Variants in BABAM2 observed in about 807,000 individuals in gnomAD.
BABAM2 encodes the protein BRISC and BRCA1-A complex member 2.
BABAM2 carries 31 observed loss-of-function variants against 54.7 expected under a neutral mutation model. The ratio of observed to expected loss-of-function variants is 0.57; its 90% CI spans 0.43 to 0.77. The LOEUF is 0.77. Ranked by LOEUF, BABAM2 falls within the 30% of genes least tolerant of loss-of-function variation. BABAM2 has a pLI of 0.00. For missense variants in BABAM2, 364 were observed against 455.8 expected, an observed-to-expected ratio of 0.80 and a Z score of 1.83; for synonymous variants, 167 against 162.9, an observed-to-expected ratio of 1.03 and a Z score of -0.19.
chr2:28,273,969 G>C (rs1240933275), intron 10 of BABAM2, among the ~76,000 whole-genome samples: 1 of 152,222 alleles, frequency 6.6e-6, no homozygotes, highest in African/African-American at 2.4e-5. Flanking sequence ...ATGTGCTATA[G>C]AAATGCAAGG....
At chr2:27,938,700 C>T (rs948575505) in intron 3 of BABAM2, among the ~76,000 whole-genome samples, 5 of 151,824 alleles carry the variant, frequency 3.3e-5, no homozygotes, top group African/African-American at 1.2e-4. Flanking sequence ...AGCTCTTTGC[C>T]TTTTTAAAGA....
chr2:28,273,352 T>A (rs1685593991), intron 10 of BABAM2, among the ~76,000 whole-genome samples: 1 of 152,200 alleles, frequency 6.6e-6, no homozygotes, highest in Non-Finnish European at 1.5e-5. Flanking sequence ...TTCTCTTCTC[T>A]CCTCTCCCTG....
chr2:28,127,380 A>G (rs6547830), intron 6 of BABAM2, among the ~76,000 whole-genome samples: 108,701 of 151,916 alleles, frequency 0.72, 39,387 homozygotes, highest in Middle Eastern at 0.8. Flanking sequence ...GGTTACCCTT[A>G]GTGGGAATGG....
chr2:27,904,231 G>A (rs920882040), intron 2 of BABAM2, among the ~76,000 whole-genome samples: 2 of 152,184 alleles, frequency 1.3e-5, no homozygotes, highest in African/African-American at 4.8e-5. Context: ...CAAACATTGC[G>A]TTTTCTTGAC....
In BABAM2 at chr2:27,902,895, G is replaced by A. The variant is rs186520612; in HGVS notation, c.128+8211G>A. 1.1e-3 allele frequency among the ~76,000 whole-genome samples: 146 copies of A among 133,650 alleles called. 2 individuals carry two copies. In the Middle Eastern group the frequency reaches 0.043, roughly 39 times the overall value. The allele number at this position is 133,650 out of a possible 152,430, so 87.7% of individuals were successfully genotyped here. ...TTTGAATATATGTGCCTGTGTGCAC[G>A]TGTGTGTGTTTGTGTGTGTGTGTGT... On this transcript the variant is annotated intron_variant, in intron 2 of 11. Transcript: ENST00000379624.
At chr2:27,902,976 C>T (rs1355162868) in intron 2 of BABAM2, among the ~76,000 whole-genome samples, 2 of 151,368 alleles carry the variant, frequency 1.3e-5, no homozygotes, top group African/African-American at 4.9e-5. Flanking sequence ...TGGGCCTATC[C>T]AAAAGTCACA....
At chr2:28,293,943 A>G (rs1687486907) in intron 10 of BABAM2, among the ~76,000 whole-genome samples, 1 of 152,232 alleles carries the variant, frequency 6.6e-6, no homozygotes, top group Non-Finnish European at 1.5e-5. Context: ...CCCTCTGTGG[A>G]TGAAGAGCCA....
At position 28,330,758 on chromosome 2, in the gene BABAM2, C is replaced by T. The variant is rs191789529; in HGVS notation, c.1089-7692C>T. ...GTATCATGAAAATAGCCATACTTCCCAAAGCAATTTATAGATTCAATGCTT... is the reference window on the plus strand; with the variant it reads ...GTATCATGAAAATAGCCATACTTCCTAAAGCAATTTATAGATTCAATGCTT... On this transcript the variant is annotated intron_variant, in intron 11 of 11. Transcript: ENST00000379624. Among the ~76,000 whole-genome samples the T allele has an allele frequency of 4.6e-5, 7 of 152,270 alleles. No homozygotes were observed. The East Asian group carries it at 1.2e-3, about 25-fold the overall frequency.
intron 10 of BABAM2, among the ~76,000 whole-genome samples, chr2:28,278,286 A>G (rs1686048017): frequency 6.6e-6 from 1 of 152,234 alleles, no homozygotes; most frequent in East Asian, 1.9e-4. Flanking sequence ...GGATGAATTC[A>G]AGTGGAAGAA....
At chr2:28,196,969 C>G (rs751165040) in intron 7 of BABAM2, among the ~76,000 whole-genome samples, 3 of 150,150 alleles carry the variant, frequency 2.0e-5, no homozygotes, top group Non-Finnish European at 4.4e-5. Flanking sequence ...CTTGGCCTCC[C>G]GAATAGATGG....
At chr2:28,047,487 TC>T (rs1260608954) in intron 6 of BABAM2, among the ~76,000 whole-genome samples, 2 of 152,208 alleles carry the variant, frequency 1.3e-5, no homozygotes, top group South Asian at 4.1e-4. Flanking sequence ...TCAGCAGTCT[TC>T]CTGTTTATTT....
intron 9 of BABAM2, 78 bp downstream of exon 9, chr2:28,241,471 G>T (rs932752320): frequency 2.9e-5 from 39 of 1,349,114 alleles, no homozygotes; most frequent in Non-Finnish European, 4.1e-5. Context: ...GCTTGATTAA[G>T]AAAATAGCAC....
intron 6 of BABAM2, among the ~76,000 whole-genome samples, chr2:28,099,948 T>A (rs151183779): frequency 6.6e-6 from 1 of 152,182 alleles, no homozygotes; most frequent in Non-Finnish European, 1.5e-5. Context: ...TAAAAAAAAA[T>A]TTCTAACGTA....
intron 7 of BABAM2, among the ~76,000 whole-genome samples, chr2:28,174,351 A>G (rs1280411144): frequency 6.6e-6 from 1 of 152,186 alleles, no homozygotes; most frequent in Non-Finnish European, 1.5e-5. Flanking sequence ...TAAAAGAAAT[A>G]TGGTGAAAAA....
intron 6 of BABAM2, among the ~76,000 whole-genome samples, chr2:28,106,843 T>G (rs959675860): frequency 6.6e-6 from 1 of 152,222 alleles, no homozygotes; most frequent in Non-Finnish European, 1.5e-5. Context: ...TTCTAGTTCA[T>G]TTAATGGATT....
At chr2:27,963,870 C>G (rs1670657164) in intron 3 of BABAM2, among the ~76,000 whole-genome samples, 1 of 152,136 alleles carries the variant, frequency 6.6e-6, no homozygotes, top group Non-Finnish European at 1.5e-5. Flanking sequence ...GTGGAGGACT[C>G]AAGTTTAAAG....
Position 28,322,030 on chromosome 2 carries a change from A to C in BABAM2, c.1089-16420A>C, listed in dbSNP as rs143951601. 0.015 allele frequency among the ~76,000 whole-genome samples: 2,284 copies of C among 152,200 alleles called. 21 individuals are homozygous for C. Among genetic ancestry groups the C allele is most frequent in the Non-Finnish European group, 0.023 (1,579 of 68,012 alleles). On this transcript the variant is annotated intron_variant, in intron 11 of 11. Coordinates refer to ENST00000379624, the MANE Select transcript of BABAM2 (RefSeq NM_199191.3). This position sits in a 1 kb window ranked among gnomAD's most constrained non-coding sequence, Gnocchi z 4.1. ...TTGACAGTGGTTGCATGAACTTAAGAATAATAGATCCTTAGGAAGGAAGGC... is the reference window on the plus strand; with the variant it reads ...TTGACAGTGGTTGCATGAACTTAAGCATAATAGATCCTTAGGAAGGAAGGC...
At chr2:27,923,439 T>G (rs1361657299) in intron 2 of BABAM2, among the ~76,000 whole-genome samples, 1 of 152,014 alleles carries the variant, frequency 6.6e-6, no homozygotes, top group Non-Finnish European at 1.5e-5. Flanking sequence ...GGCAAAGCCC[T>G]GAGACCCTGT....
At chr2:28,264,901 A>G (rs1306338066) in intron 10 of BABAM2, among the ~76,000 whole-genome samples, 3 of 152,204 alleles carry the variant, frequency 2.0e-5, no homozygotes, top group Non-Finnish European at 4.4e-5. Flanking sequence ...CACAATCTGA[A>G]AGAATTGCTT....
Sources: allele counts gnomAD v4.1 joint callset (sites outside exome capture counted in the v4.1 genomes callset), GRCh38; gene constraint gnomAD v4.1.1; non-coding constraint Gnocchi (gnomAD v3.1); transcripts MANE v1.5; gene names NCBI Gene and HGNC (gene_info 2026-07-23, HGNC 2026-07-21).